Variants in PCDH15 observed in about 807,000 individuals in gnomAD.
The protein encoded by PCDH15 is protocadherin-15.
Under a neutral mutation model 178.5 loss-of-function variants are expected in PCDH15, and 129 were observed. That is an observed-to-expected ratio of 0.72 (90% CI 0.63 to 0.84). The LOEUF is 0.84. PCDH15 is among the 40% of genes least tolerant of loss of function. PCDH15 has a pLI of 0.00. For missense variants in PCDH15, 2,230 were observed against 2,099.9 expected, an observed-to-expected ratio of 1.06 and a Z score of -1.21; for synonymous variants, 800 against 732.0, an observed-to-expected ratio of 1.09 and a Z score of -1.50.
At chr10:54,110,000 A>T (rs1053861580) in intron 15 of PCDH15, among the ~76,000 whole-genome samples, 3 of 152,234 alleles carry the variant, frequency 2.0e-5, no homozygotes, top group African/African-American at 7.2e-5. Flanking sequence ...AAGAAAATTT[A>T]AAAATACAAG....
chr10:54,346,424 T>C lies in PCDH15; in HGVS notation c.535A>G (p.Ile179Val). The C allele has an allele frequency of 6.2e-7, 1 of 1,613,754 alleles. No individual in the cohort carries two copies. The highest frequency in any genetic ancestry group is 8.5e-7 in the Non-Finnish European group (1 of 1,179,684). Reference sequence around the variant, plus strand: ...ATCTGTCCATTTGGTCCATCATCTATATCTGTAGCTCCATTGTCTCCTGAA... The same window carrying C: ...ATCTGTCCATTTGGTCCATCATCTACATCTGTAGCTCCATTGTCTCCTGAA... ...GFSGDNGATD[I>V]DDGPNGQIEY... The change falls in exon 6 of 38, where the codon ATA becomes GTA. Residue 179 changes from isoleucine (I) to valine (V), a missense_variant. By Grantham distance (29) the Ile-to-Val change is conservative. Transcript: ENST00000644397.
intron 15 of PCDH15, 92 bp from the exon 16 acceptor site, chr10:54,090,155 G>T: frequency 1.0e-6 from 1 of 953,176 alleles, no homozygotes. Context: ...TAATAGCACA[G>T]AATGTCCATG....
intron 28 of PCDH15, among the ~76,000 whole-genome samples, chr10:53,855,637 G>T (rs567444480): frequency 6.6e-6 from 1 of 151,886 alleles, no homozygotes; most frequent in African/African-American, 2.4e-5. Flanking sequence ...TAAAAGTTTA[G>T]TTATCTGACT....
At chr10:54,119,692 C>A (rs1044370697) in intron 15 of PCDH15, among the ~76,000 whole-genome samples, 13 of 152,062 alleles carry the variant, frequency 8.5e-5, no homozygotes, top group African/African-American at 3.1e-4. Flanking sequence ...GGGCATACAG[C>A]CACGTGACTG....
rs369009343 is a variant in PCDH15 at position 54,865,299 on chromosome 10, T to C, written c.-29+32151A>G. On this transcript the variant is annotated intron_variant, in intron 3 of 5. Coordinates refer to the PCDH15 transcript ENST00000458638. Reference sequence around the variant, plus strand: ...GCTGTCATCTTTCTCTTGTGCTGGATGCTGGTTACACTTTAACATCAGACT... The same window carrying C: ...GCTGTCATCTTTCTCTTGTGCTGGACGCTGGTTACACTTTAACATCAGACT... Among the ~76,000 whole-genome samples the C allele has an allele frequency of 1.6e-4, 25 of 152,278 alleles. No homozygotes were observed. In the East Asian group the frequency reaches 2.5e-3, roughly 15 times the overall value.
At chr10:54,428,421 G>T (rs1415675168) in intron 3 of PCDH15, among the ~76,000 whole-genome samples, 1 of 152,130 alleles carries the variant, frequency 6.6e-6, no homozygotes, top group Non-Finnish European at 1.5e-5. Context: ...AAATATTTAG[G>T]AATTACATAA....
At chr10:54,628,044 T>C (rs75394206) in intron 2 of PCDH15, among the ~76,000 whole-genome samples, 2,171 of 152,338 alleles carry the variant, frequency 0.014, 31 homozygotes, top group East Asian at 0.069. Context: ...ATACTAGGAT[T>C]ACTGCCTTTA....
At chr10:54,789,384 C>T (rs1044616893) in intron 1 of PCDH15, among the ~76,000 whole-genome samples, 1 of 151,706 alleles carries the variant, frequency 6.6e-6, no homozygotes, top group Admixed American at 6.6e-5. Context: ...TCCTCAACAT[C>T]TATGTTCAAT....
intron 2 of PCDH15, among the ~76,000 whole-genome samples, chr10:54,654,713 C>A (rs2094337606): frequency 6.6e-6 from 1 of 152,172 alleles, no homozygotes; most frequent in Admixed American, 6.5e-5. Flanking sequence ...TTTTGCTCAA[C>A]TTCGATTTCT....
At chr10:53,848,211 A>G (rs1180083253) in intron 28 of PCDH15, among the ~76,000 whole-genome samples, 2 of 151,960 alleles carry the variant, frequency 1.3e-5, no homozygotes, top group Non-Finnish European at 2.9e-5. Flanking sequence ...AATTACAAAA[A>G]TAACAAGCTG....
intron 15 of PCDH15, among the ~76,000 whole-genome samples, chr10:54,129,022 T>C (rs917731806): frequency 1.3e-5 from 2 of 152,182 alleles, no homozygotes; most frequent in African/African-American, 2.4e-5. Flanking sequence ...ATGTAATGGA[T>C]AGAGCACTGA....
intron 37 of PCDH15, 85 bp from the exon 38 acceptor site, chr10:53,807,215 T>A (rs144154264): frequency 8.8e-7 from 1 of 1,130,386 alleles, no homozygotes; most frequent in East Asian, 2.6e-5. Context: ...TCCAAAACAA[T>A]GACATTTAGA....
At chr10:54,476,027 CAT>C (rs373818298) in intron 3 of PCDH15, among the ~76,000 whole-genome samples, 73 of 134,310 alleles carry the variant, frequency 5.4e-4, no homozygotes, top group South Asian at 1.4e-3. Flanking sequence ...ATAGTGATTA[CAT>C]ATATATATAT....
intron 1 of PCDH15, among the ~76,000 whole-genome samples, chr10:55,173,119 T>C (rs1157051320): frequency 6.6e-6 from 1 of 151,960 alleles, no homozygotes; most frequent in Non-Finnish European, 1.5e-5. Context: ...AAATTGATTT[T>C]GCTTTGTAAT....
At chr10:55,097,217 GT>G (rs1311941131) in intron 2 of PCDH15, among the ~76,000 whole-genome samples, 1 of 152,044 alleles carries the variant, frequency 6.6e-6, no homozygotes, top group East Asian at 1.9e-4. Flanking sequence ...AATTATTCTT[GT>G]TTTGTTTTTG....
intron 2 of PCDH15, among the ~76,000 whole-genome samples, chr10:54,917,343 G>A (rs1189088970): frequency 6.6e-6 from 1 of 152,094 alleles, no homozygotes; most frequent in African/African-American, 2.4e-5. Flanking sequence ...AAAGAACGTA[G>A]CTGATGTCTG....
At chr10:55,059,949 A>T (rs1181780441) in intron 2 of PCDH15, among the ~76,000 whole-genome samples, 1 of 151,442 alleles carries the variant, frequency 6.6e-6, no homozygotes, top group Non-Finnish European at 1.5e-5. Context: ...TCCACTTGGT[A>T]ATGCAAATGT....
At chr10:54,480,449 T>C (rs1416596783) in intron 3 of PCDH15, among the ~76,000 whole-genome samples, 1 of 152,028 alleles carries the variant, frequency 6.6e-6, no homozygotes, top group East Asian at 1.9e-4. Flanking sequence ...AGCACATTAC[T>C]GCAATAGACT....
intron 26 of PCDH15, among the ~76,000 whole-genome samples, chr10:53,869,083 C>G (rs905605054): frequency 6.6e-6 from 1 of 152,156 alleles, no homozygotes; most frequent in Non-Finnish European, 1.5e-5. Flanking sequence ...GCTGGGATTA[C>G]AGACATGAGC....
Sources: gnomAD v4.1 joint callset for allele counts (sites outside exome capture counted in the v4.1 genomes callset) on GRCh38, gnomAD v4.1.1 for gene constraint, MANE v1.5 for transcripts, NCBI Gene and HGNC (gene_info 2026-07-23, HGNC 2026-07-21) for gene names.